The following PCDHA7 variants were observed in gnomAD, a reference collection of about 807,000 sequenced individuals.
The protein encoded by PCDHA7 is protocadherin alpha-7.
Under a neutral mutation model 57.2 loss-of-function variants are expected in PCDHA7, and 37 were observed. That is an observed-to-expected ratio of 0.65 (90% CI 0.50 to 0.85). PCDHA7 has a LOEUF of 0.85. PCDHA7 is among the 40% of genes least tolerant of loss of function. The pLI is 0.00. For missense variants in PCDHA7, 1,188 were observed against 1,241.8 expected (o/e 0.96, Z 0.65); for synonymous variants, 553 against 558.8 (o/e 0.99, Z 0.15).
chr5:140,950,323 A>G (rs1400315467), intron 1 of PCDHA7, among the ~76,000 whole-genome samples: 1 of 152,046 alleles, frequency 6.6e-6, no homozygotes, highest in Non-Finnish European at 1.5e-5. Context: ...TAATGCATAT[A>G]TGCTGCAGTG....
intron 1 of PCDHA7, among the ~76,000 whole-genome samples, chr5:140,875,148 G>T (rs1267290548): frequency 2.0e-5 from 3 of 152,118 alleles, no homozygotes; most frequent in Non-Finnish European, 4.4e-5. Context: ...TAAATGATCC[G>T]TGAAAAATAA....
intron 1 of PCDHA7, chr5:140,871,331 C>A (rs1414219251): frequency 6.2e-7 from 1 of 1,614,102 alleles, no homozygotes; most frequent in Non-Finnish European, 8.5e-7. Flanking sequence ...TGCTCCCGCG[C>A]GGTGGGGAGC....
At chr5:140,877,526 G>T (rs1554169807) in intron 1 of PCDHA7, 2 of 1,613,676 alleles carry the variant, frequency 1.2e-6, no homozygotes, top group African/African-American at 2.7e-5. Context: ...GCCTCAGTGG[G>T]CGCTGTGGAT....
intron 1 of PCDHA7, among the ~76,000 whole-genome samples, chr5:140,921,272 C>T (rs2080137544): frequency 6.6e-6 from 1 of 152,074 alleles, no homozygotes; most frequent in African/African-American, 2.4e-5. Context: ...TTTATACTTA[C>T]TTGAAAAAAA....
At chr5:140,992,251 A>G (rs1554252780) in intron 3 of PCDHA7, among the ~76,000 whole-genome samples, 1 of 152,198 alleles carries the variant, frequency 6.6e-6, no homozygotes, top group Non-Finnish European at 1.5e-5. Flanking sequence ...AAGTAGAGCT[A>G]AAGATGAAAG....
At chr5:140,854,205 T>C (rs2043038740) in intron 1 of PCDHA7, 1 of 692,808 alleles carries the variant, frequency 1.4e-6, no homozygotes, top group East Asian at 1.3e-4. Flanking sequence ...CTACTTTTTA[T>C]TCAATATTGG....
At chr5:140,979,168 G>T in intron 2 of PCDHA7, 161 bp downstream of exon 2, 6 of 966,502 alleles carry the variant, frequency 6.2e-6, no homozygotes, top group Non-Finnish European at 7.4e-6. Context: ...TTCCTTGAAA[G>T]ATCGCAAATG....
rs782577579 is a variant in PCDHA7, at chr5:140,978,981, T to G, written c.2388T>G (p.Ser796=). The G allele has an allele frequency of 1.4e-5, 22 of 1,614,096 alleles. No individual in the cohort carries two copies. Among genetic ancestry groups the G allele is most frequent in the Non-Finnish European group, 1.8e-5 (21 of 1,180,040 alleles). The change falls in exon 2 of 4, where the codon TCT becomes TCG. Residue 796 remains serine (S), a synonymous_variant. Transcript: ENST00000525929. ...PRQPNPDWRY[S]ASLRAGMHSS... ...AGCCCAACCCTGACTGGCGTTACTC[T>G]GCCTCCCTGAGAGCAGGCATGCACA... is the stretch of plus-strand genomic sequence containing the variant.
At chr5:140,996,190 C>T (rs2097716017) in intron 3 of PCDHA7, among the ~76,000 whole-genome samples, 1 of 152,200 alleles carries the variant, frequency 6.6e-6, no homozygotes, top group African/African-American at 2.4e-5. Flanking sequence ...CCATTTTATA[C>T]CCTCAATGCA....
In PCDHA7 at chr5:140,836,350, A is replaced by T. The variant is rs1454301862; in HGVS notation, c.1967A>T (p.Glu656Val). Residue 656 changes from glutamate (E) to valine (V), a missense_variant, in exon 1 of 4, where the codon GAG (glutamate) becomes GTG (valine). Coordinates refer to ENST00000525929, the MANE Select transcript of PCDHA7 (RefSeq NM_018910.3). ...RLLVLVKDHGEPSLTATATVL... is the reference protein window; with the variant it reads ...RLLVLVKDHGVPSLTATATVL... ...CTGGTGCTTGTGAAGGACCACGGGG[A>T]GCCCTCGCTGACAGCCACAGCCACC... 5 of 1,613,518 alleles carry T rather than the reference A, an allele frequency of 3.1e-6. No homozygotes were observed. The highest frequency in any genetic ancestry group is 4.2e-6 in the Non-Finnish European group (5 of 1,179,824).
chr5:140,921,630 A>G lies in PCDHA7; in HGVS notation c.2356-57319A>G, dbSNP rs554698507. ...AGAAAAATATCATCAGATCATCATTATGGTAGCTATTTTAAGGGAACTTAA... is the reference window on the plus strand; with the variant it reads ...AGAAAAATATCATCAGATCATCATTGTGGTAGCTATTTTAAGGGAACTTAA... On this transcript the variant is annotated intron_variant, in intron 1 of 3. Coordinates refer to ENST00000525929, the MANE Select transcript of PCDHA7 (RefSeq NM_018910.3). Among the ~76,000 whole-genome samples, 4 of 152,344 alleles carry G rather than the reference A, an allele frequency of 2.6e-5. No homozygotes were observed. The South Asian group carries it at 8.3e-4, about 32-fold the overall frequency.
chr5:140,923,566 C>T lies in PCDHA7; in HGVS notation c.2356-55383C>T, dbSNP rs149499154. ...AAATGAAATATCAGCAATGAAAGGT[C>T]CTGCTAAAGAGAAGGTTTGTTAATT... On this transcript the variant is annotated intron_variant, in intron 1 of 3. Coordinates refer to ENST00000525929, the MANE Select transcript of PCDHA7 (RefSeq NM_018910.3). 8.1e-3 allele frequency among the ~76,000 whole-genome samples: 1,228 copies of T among 152,208 alleles called. 6 individuals carry two copies. The highest frequency in any genetic ancestry group is 0.019 in the African/African-American group (794 of 41,538).
At chr5:140,857,412 C>G (rs782751627) in intron 1 of PCDHA7, 1 of 1,598,338 alleles carries the variant, frequency 6.3e-7, no homozygotes, top group Admixed American at 1.7e-5. Context: ...CCTGCGTTCG[C>G]GCAGTCCGAG....
At position 140,858,707 on chromosome 5, in the gene PCDHA7, A is replaced by G. The variant is rs1234055961; in HGVS notation, c.2355+21969A>G. On this transcript the variant is annotated intron_variant, in intron 1 of 3. Transcript: ENST00000525929. The stretch of plus-strand genomic sequence containing the variant: ...TAATATTTTCCAATACAAATATGTG[A>G]TATAGGTTGCAGTTCTGACGATTTA... 2 of 547,800 alleles carry G rather than the reference A, an allele frequency of 3.7e-6. 1 individual carries two copies. Among genetic ancestry groups the G allele is most frequent in the Non-Finnish European group, 6.3e-6 (2 of 316,316 alleles). The allele number at this position is 547,800 out of a possible 1,614,324, so 33.9% of individuals were successfully genotyped here.
intron 1 of PCDHA7, among the ~76,000 whole-genome samples, chr5:140,952,443 C>T (rs1264311770): frequency 6.6e-6 from 1 of 152,128 alleles, no homozygotes; most frequent in East Asian, 1.9e-4. Flanking sequence ...AGGCATAATA[C>T]AGCCAGGCTC....
chr5:140,876,716 G>C lies in PCDHA7; in HGVS notation c.2355+39978G>C, dbSNP rs374218090. On this transcript the variant is annotated intron_variant, in intron 1 of 3. Coordinates refer to ENST00000525929, the MANE Select transcript of PCDHA7 (RefSeq NM_018910.3). ...TTGGTGCTGGACAGCGCCCTGGACC[G>C]CGAGAGCGTGTCGGCCTATGAGCTG... 135 of 1,614,132 alleles carry C rather than the reference G, an allele frequency of 8.4e-5. No homozygotes were observed. In the Middle Eastern group the frequency reaches 2.5e-3, roughly 29 times the overall value.
chr5:140,999,995 A>G (rs1174530266), intron 3 of PCDHA7, among the ~76,000 whole-genome samples: 1 of 152,068 alleles, frequency 6.6e-6, no homozygotes, highest in Non-Finnish European at 1.5e-5. Flanking sequence ...GGGTAGTGGT[A>G]TTAGATTGGC....
In PCDHA7 at chr5:141,009,718, A is replaced by G. The variant is rs2098413942; in HGVS notation, c.2595A>G (p.Gln865=). Residue 865 remains glutamine, a synonymous_variant, in exon 4 of 4, where the codon CAA becomes CAG. Transcript: ENST00000525929. ...TFKYGPGNPK[Q]SGPGELPDKF... ...AATACGGACCAGGCAACCCCAAACA[A>G]TCCGGTCCCGGTGAGTTGCCCGACA... The G allele has an allele frequency of 1.2e-6, 2 of 1,614,044 alleles. No homozygotes were observed. The highest frequency in any genetic ancestry group is 1.1e-5 in the South Asian group (1 of 91,052).
Position 140,848,783 on chromosome 5 carries a change from C to A in PCDHA7, c.2355+12045C>A, listed in dbSNP as rs2150420389. 1.5e-5 allele frequency: 24 copies of A among 1,593,092 alleles called. 2 individuals carry two copies. The highest frequency in any genetic ancestry group is 2.2e-5 in the East Asian group (1 of 44,812). On this transcript the variant is annotated intron_variant, in intron 1 of 3. Transcript: ENST00000525929. ...CTCGGATCGACCGCGAGGAGCTGTG[C>A]GGGCGGAGCGCGGAGTGCAGCATCC... is the stretch of plus-strand genomic sequence containing the variant.
Sources: allele counts gnomAD v4.1 joint callset (sites outside exome capture counted in the v4.1 genomes callset), GRCh38; gene constraint gnomAD v4.1.1; transcripts MANE v1.5; gene names NCBI Gene and HGNC (gene_info 2026-07-23, HGNC 2026-07-21).